UNC13C: variants seen among roughly 807,000 people sequenced by gnomAD.
UNC13C encodes the protein protein unc-13 homolog C.
In UNC13C, 174 loss-of-function variants were observed where a neutral mutation model predicts 245.4. The ratio of observed to expected loss-of-function variants is 0.71; its 90% CI spans 0.63 to 0.80. The LOEUF (loss-of-function observed/expected upper bound fraction) is 0.80. Among genes scored for constraint, UNC13C ranks in the 30% least tolerant of loss-of-function variants. The pLI is 0.00. For synonymous variants in UNC13C, 992 were observed against 895.1 expected (o/e 1.11, Z -1.93); for missense variants, 2,829 against 2,602.9 (o/e 1.09, Z -1.89).
chr15:54,619,400 C>T (rs1384336281), intron 30 of UNC13C, among the ~76,000 whole-genome samples: 1 of 152,182 alleles, frequency 6.6e-6, no homozygotes, highest in East Asian at 1.9e-4. Context: ...CTTTGCTGCA[C>T]TTTGATCTTT....
intron 2 of UNC13C, among the ~76,000 whole-genome samples, chr15:54,063,410 G>A (rs1401966279): frequency 6.6e-6 from 1 of 152,094 alleles, no homozygotes; most frequent in Non-Finnish European, 1.5e-5. Flanking sequence ...AGTGGGAGGA[G>A]AGAAGTACTG....
At position 54,235,722 on chromosome 15, in the gene UNC13C, G is replaced by A. The variant is rs538641394; in HGVS notation, c.3150+614G>A. 2.0e-5 allele frequency among the ~76,000 whole-genome samples: 3 copies of A among 152,244 alleles called. No homozygotes were observed. The East Asian group carries it at 5.8e-4, about 29-fold the overall frequency. ...AAAAAATTAACTGGAGTGGTTGTGG[G>A]CACCTGTAGTCCCAGCTACTCTGGA... On this transcript the variant is annotated intron_variant, in intron 5 of 32. Transcript: ENST00000260323.
At chr15:54,008,551 GT>G (rs1254967692) in intron 1 of UNC13C, among the ~76,000 whole-genome samples, 1 of 152,168 alleles carries the variant, frequency 6.6e-6, no homozygotes, top group Non-Finnish European at 1.5e-5. Flanking sequence ...TGAAGACAAT[GT>G]GTAGTTATTT....
chr15:54,453,731 A>G (rs1375617493), intron 19 of UNC13C, among the ~76,000 whole-genome samples: 3 of 152,230 alleles, frequency 2.0e-5, no homozygotes, highest in Non-Finnish European at 4.4e-5. Flanking sequence ...GCCACCAGCT[A>G]TAAATAGATA....
the UNC13C span, among the ~76,000 whole-genome samples, chr15:53,894,180 A>G: frequency 6.6e-6 from 1 of 152,170 alleles, no homozygotes; most frequent in East Asian, 1.9e-4. Flanking sequence ...CCACTGTCCA[A>G]TCAGTCCCAG....
At chr15:54,425,761 A>G (rs570832159) in intron 19 of UNC13C, among the ~76,000 whole-genome samples, 7 of 152,006 alleles carry the variant, frequency 4.6e-5, no homozygotes, top group African/African-American at 1.4e-4. Flanking sequence ...TTAGTCATCT[A>G]TGCAACAAAT....
In UNC13C at chr15:54,013,355, G is replaced by T. The variant is rs755053160; in HGVS notation, c.452G>T (p.Arg151Ile). The T allele has an allele frequency of 6.2e-7, 1 of 1,613,858 alleles. No homozygotes were observed. Among genetic ancestry groups the T allele is most frequent in the South Asian group, 1.1e-5 (1 of 91,078 alleles). The change falls in exon 2 of 33, where the codon AGA (arginine) becomes ATA (isoleucine). Residue 151 changes from arginine to isoleucine, a missense_variant. Arg to Ile is a moderately conservative substitution (Grantham distance 97). Coordinates refer to ENST00000260323, the MANE Select transcript of UNC13C (RefSeq NM_001080534.3). ...CAATCAACACACACAATGCCAGTTA[G>T]ACGCAACAGAAAGAGTTCAAGCAGC... ...QAQSTHTMPVRRNRKSSSSLA... is the reference protein window; with the variant it reads ...QAQSTHTMPVIRNRKSSSSLA...
At chr15:53,950,730 A>G in the UNC13C span, among the ~76,000 whole-genome samples, 1 of 152,326 alleles carries the variant, frequency 6.6e-6, no homozygotes, top group East Asian at 1.9e-4. Context: ...CTGAAGACAC[A>G]GAAATAGCCA....
At position 54,013,403 on chromosome 15, in the gene UNC13C, C is replaced by T; in HGVS notation, c.500C>T (p.Ser167Phe). The T allele has an allele frequency of 6.2e-7, 1 of 1,613,862 alleles. No individual in the cohort carries two copies. Residue 167 changes from serine to phenylalanine, a missense_variant, in exon 2 of 33, where the codon TCT becomes TTT. By Grantham distance (155) the Ser-to-Phe change is radical. Transcript: ENST00000260323. ...SSSLAPSEGS[S>F]DGERTLHGLK... ...AGCCTTGCACCCTCTGAGGGCAGCT[C>T]TGACGGGGAGCGTACTCTACATGGC...
intron 2 of UNC13C, among the ~76,000 whole-genome samples, chr15:54,096,239 T>TGCAGA (rs1899854965): frequency 6.6e-6 from 1 of 151,274 alleles, no homozygotes; most frequent in Non-Finnish European, 1.5e-5. Flanking sequence ...ATATGGCTGG[T>TGCAGA]GCAGAAAGCA....
At chr15:54,526,559 G>A (rs146384996) in intron 25 of UNC13C, among the ~76,000 whole-genome samples, 7,997 of 151,422 alleles carry the variant, frequency 0.053, 353 homozygotes, top group Admixed American at 0.13. Context: ...GTGAAACCCC[G>A]TCTCTACTAA....
intron 24 of UNC13C, among the ~76,000 whole-genome samples, chr15:54,518,092 T>C (rs640442): frequency 0.65 from 99,382 of 151,974 alleles, 33,274 homozygotes; most frequent in African/African-American, 0.79. Flanking sequence ...CTCCTCCTAA[T>C]CATCTCTGCA....
intron 4 of UNC13C, among the ~76,000 whole-genome samples, chr15:54,145,562 A>G (rs761566951): frequency 2.0e-5 from 3 of 152,230 alleles, no homozygotes; most frequent in Non-Finnish European, 2.9e-5. Flanking sequence ...ATATTAAGGT[A>G]GTGAATAGAC....
downstream of UNC13C, chr15:54,628,782 A>C (rs1023644609): frequency 2.6e-5 from 4 of 151,144 alleles, no homozygotes; most frequent in African/African-American, 9.8e-5. Context: ...AAAATAACAG[A>C]TGCTGGCGAG....
the UNC13C span, among the ~76,000 whole-genome samples, chr15:53,874,395 A>G: frequency 6.6e-6 from 1 of 152,196 alleles, no homozygotes; most frequent in Non-Finnish European, 1.5e-5. Context: ...AAAGCTACAC[A>G]TGTGGAAAGT....
the UNC13C span, among the ~76,000 whole-genome samples, chr15:53,883,333 G>T: frequency 6.6e-6 from 1 of 152,184 alleles, no homozygotes; most frequent in South Asian, 2.1e-4. Context: ...AAATACTGTT[G>T]CTGTTTGCTT....
intron 1 of UNC13C, among the ~76,000 whole-genome samples, chr15:54,001,417 A>G (rs1169522084): frequency 1.3e-5 from 2 of 152,134 alleles, no homozygotes; most frequent in African/African-American, 4.8e-5. Flanking sequence ...ATAGATTTTT[A>G]TCGTCCTCAC....
intron 8 of UNC13C, among the ~76,000 whole-genome samples, chr15:54,252,710 TG>T (rs1467757198): frequency 1.3e-5 from 2 of 152,104 alleles, no homozygotes; most frequent in African/African-American, 4.8e-5. Flanking sequence ...ATGCCAACAC[TG>T]AAGAAAAGGA....
intron 30 of UNC13C, among the ~76,000 whole-genome samples, chr15:54,601,664 T>C (rs541635119): frequency 6.6e-6 from 1 of 152,272 alleles, no homozygotes; most frequent in South Asian, 2.1e-4. Context: ...TCCATATGCT[T>C]TTTTCCCTTT....
Sources: gnomAD v4.1 joint callset for allele counts (sites outside exome capture counted in the v4.1 genomes callset) on GRCh38, gnomAD v4.1.1 for gene constraint, MANE v1.5 for transcripts, NCBI Gene and HGNC (gene_info 2026-07-23, HGNC 2026-07-21) for gene names.